Variants in AIDA observed in about 807,000 individuals in gnomAD.
The protein encoded by AIDA is axin interactor, dorsalization-associated protein.
AIDA carries 18 observed loss-of-function variants against 42.7 expected under a neutral mutation model. The observed-to-expected ratio is 0.42, with a 90% CI of 0.29 to 0.63. The LOEUF (loss-of-function observed/expected upper bound fraction) is 0.63. Among genes scored for constraint, AIDA ranks in the 20% least tolerant of loss-of-function variants. The pLI is 0.19. For missense variants in AIDA, 250 were observed against 354.1 expected, an observed-to-expected ratio of 0.71 and a Z score of 2.36; for synonymous variants, 104 against 122.9, an observed-to-expected ratio of 0.85 and a Z score of 1.02.
intron 6 of AIDA, among the ~76,000 whole-genome samples, chr1:222,678,368 C>G (rs566734359): frequency 6.6e-6 from 1 of 152,020 alleles, no homozygotes; most frequent in Admixed American, 6.6e-5. Context: ...TGTTTTCTGA[C>G]AGACAAAAGA....
intron 4 of AIDA, among the ~76,000 whole-genome samples, chr1:222,689,852 T>C (rs1325629482): frequency 6.6e-6 from 1 of 152,020 alleles, no homozygotes; most frequent in Non-Finnish European, 1.5e-5. Flanking sequence ...TATCCACTTA[T>C]CACTCACTCA....
At chr1:222,709,317 G>A (rs1310913904) in intron 1 of AIDA, among the ~76,000 whole-genome samples, 1 of 152,068 alleles carries the variant, frequency 6.6e-6, no homozygotes, top group Admixed American at 6.6e-5. Context: ...TGTAATCTCA[G>A]CTACTCAGGA....
rs563722294 is a variant in AIDA at position 222,707,628 on chromosome 1, A to G, written c.111-4411T>C. On this transcript the variant is annotated intron_variant, in intron 1 of 9. Coordinates refer to ENST00000340020, the MANE Select transcript of AIDA (RefSeq NM_022831.4). ...GACATTCTATTAGGAAAAGTGAAAT[A>G]AACCTGTCAAATATTCTTCTCTAGA... Among the ~76,000 whole-genome samples, 11 of 152,334 alleles carry G rather than the reference A, an allele frequency of 7.2e-5. No homozygotes were observed. In the East Asian group the frequency reaches 2.1e-3, roughly 29 times the overall value.
chr1:222,692,116 A>C (rs1399856263), intron 4 of AIDA, among the ~76,000 whole-genome samples: 1 of 152,202 alleles, frequency 6.6e-6, no homozygotes, highest in Non-Finnish European at 1.5e-5. Flanking sequence ...ATGTCCTTTA[A>C]AAACAGGATT....
chr1:222,712,126 G>C (rs1470663358), intron 1 of AIDA, 82 bp downstream of exon 1: 7 of 1,542,598 alleles, frequency 4.5e-6, no homozygotes, highest in East Asian at 2.5e-5. Flanking sequence ...CTGCAGATAC[G>C]GTGATGAGAG....
rs1265206138 is a variant in AIDA, at chr1:222,669,770, C to T, written c.*123G>A. The T allele has an allele frequency of 3.9e-5, 36 of 930,132 alleles. No individual in the cohort carries two copies. Among genetic ancestry groups the T allele is most frequent in the South Asian group, 7.0e-5 (4 of 57,264 alleles). The allele number at this position is 930,132 out of a possible 1,614,324, so 57.6% of individuals were successfully genotyped here. A position where few individuals can be genotyped will look rare whatever the true frequency, so the allele number is the denominator to read the frequency against. ...GTACAGCTTTGCATTGGACTCCGTC[C>T]GGCCTACTGGTCTGGGTACGGCTTG... On this transcript the variant is annotated 3_prime_UTR_variant, in exon 10 of 10. Transcript: ENST00000340020.
At position 222,686,966 on chromosome 1, in the gene AIDA, C is replaced by T. The variant is rs560446766; in HGVS notation, c.424G>A (p.Ala142Thr). Residue 142 changes from alanine (A) to threonine (T), a missense_variant, in exon 6 of 10, where the codon GCA becomes ACA. Coordinates refer to ENST00000340020, the MANE Select transcript of AIDA (RefSeq NM_022831.4). ...EEDEEEGGAG[A>T]GSPDSFPARV... ...GCAGGAAAAGAATCAGGAGACCCTGCTCCAGCACCACCCTCTTCTTCATCT... is the reference window on the plus strand; with the variant it reads ...GCAGGAAAAGAATCAGGAGACCCTGTTCCAGCACCACCCTCTTCTTCATCT... The T allele has an allele frequency of 1.9e-6, 3 of 1,613,856 alleles. No homozygotes were observed. Among genetic ancestry groups the T allele is most frequent in the African/African-American group, 1.3e-5 (1 of 75,050 alleles).
At chr1:222,686,896 TA>T in intron 6 of AIDA, 33 bp downstream of exon 6, 1 of 1,598,258 alleles carries the variant, frequency 6.3e-7, no homozygotes, top group Non-Finnish European at 8.5e-7. Flanking sequence ...TGGTTGCAGT[TA>T]AATAATGTTT....
chr1:222,684,564 G>A (rs867250625), intron 6 of AIDA, among the ~76,000 whole-genome samples: 77 of 152,152 alleles, frequency 5.1e-4, no homozygotes, highest in African/African-American at 1.6e-3. Flanking sequence ...AATTTTACAA[G>A]TTATTTTTTA....
intron 6 of AIDA, among the ~76,000 whole-genome samples, chr1:222,682,051 G>A (rs576726164): frequency 5.9e-5 from 9 of 152,314 alleles, no homozygotes; most frequent in African/African-American, 1.9e-4. Flanking sequence ...GACTATGAAT[G>A]GATGAGGAGT....
chr1:222,670,787 A>G (rs932138158), intron 8 of AIDA, among the ~76,000 whole-genome samples: 4 of 152,214 alleles, frequency 2.6e-5, no homozygotes, highest in African/African-American at 9.6e-5. Flanking sequence ...CACCTTTTTC[A>G]GTATTCAAAG....
chr1:222,695,970 A>G (rs1344069292), intron 2 of AIDA, among the ~76,000 whole-genome samples: 1 of 152,254 alleles, frequency 6.6e-6, no homozygotes, highest in Admixed American at 6.5e-5. Context: ...TGCAACTACC[A>G]CATCTACAAT....
intron 6 of AIDA, among the ~76,000 whole-genome samples, chr1:222,676,997 C>G (rs1664557527): frequency 6.6e-6 from 1 of 151,436 alleles, no homozygotes; most frequent in Admixed American, 6.6e-5. Flanking sequence ...TAGAAAGAAC[C>G]ACATCTTTAG....
At chr1:222,670,884 T>C (rs1250987610) in intron 8 of AIDA, among the ~76,000 whole-genome samples, 2 of 152,220 alleles carry the variant, frequency 1.3e-5, no homozygotes, top group Non-Finnish European at 2.9e-5. Flanking sequence ...AATCTATTTA[T>C]TCTGCCACTC....
At chr1:222,673,112 A>G (rs986673589) in intron 8 of AIDA, among the ~76,000 whole-genome samples, 1 of 152,252 alleles carries the variant, frequency 6.6e-6, no homozygotes, top group African/African-American at 2.4e-5. Flanking sequence ...GTTTTACTAT[A>G]TAACAGTGCT....
chr1:222,683,856 T>C (rs1015156771), intron 6 of AIDA, among the ~76,000 whole-genome samples: 2 of 152,150 alleles, frequency 1.3e-5, no homozygotes, highest in Non-Finnish European at 2.9e-5. Flanking sequence ...TCTTAAAAAA[T>C]TTAAATATTT....
intron 1 of AIDA, among the ~76,000 whole-genome samples, chr1:222,705,564 G>T (rs1655816246): frequency 6.6e-6 from 1 of 152,152 alleles, no homozygotes. Flanking sequence ...AAGGAAGGAT[G>T]CTTGATTCAA....
chr1:222,693,759 T>C, intron 4 of AIDA, 30 bp downstream of exon 4: 1 of 1,547,948 alleles, frequency 6.5e-7, no homozygotes. Context: ...TCCAAAGGAG[T>C]ATCACAAAAA....
intron 2 of AIDA, among the ~76,000 whole-genome samples, chr1:222,696,222 C>T (rs1655519471): frequency 6.6e-6 from 1 of 152,352 alleles, no homozygotes; most frequent in African/African-American, 2.4e-5. Context: ...GATTTATTCA[C>T]TCTCTCAAAC....
Sources: gnomAD v4.1 joint callset for allele counts (sites outside exome capture counted in the v4.1 genomes callset) on GRCh38, gnomAD v4.1.1 for gene constraint, MANE v1.5 for transcripts, NCBI Gene and HGNC (gene_info 2026-07-23, HGNC 2026-07-21) for gene names.